LCP2: variants seen among roughly 807,000 people sequenced by gnomAD.
The protein encoded by LCP2 is 76 kDa tyrosine phosphoprotein.
Under a neutral mutation model 74.5 loss-of-function variants are expected in LCP2, and 29 were observed. The observed-to-expected ratio is 0.39, with a 90% CI of 0.29 to 0.53. The LOEUF is 0.53. LCP2 is among the 20% of genes least tolerant of loss of function. The probability of loss-of-function intolerance (pLI) is 0.72; values close to 1 mark genes in which losing one functional copy is unlikely to be tolerated. For missense variants in LCP2, 604 were observed against 634.6 expected (o/e 0.95, Z 0.52); for synonymous variants, 228 against 229.5 (o/e 0.99, Z 0.06).
At chr5:170,267,524 G>A (rs1761790298) in intron 8 of LCP2, among the ~76,000 whole-genome samples, 1 of 151,872 alleles carries the variant, frequency 6.6e-6, no homozygotes, top group African/African-American at 2.4e-5. Context: ...TGCCTAGAAC[G>A]TTCTTCTCCC....
At chr5:170,287,499 C>T (rs1275421922) in intron 3 of LCP2, among the ~76,000 whole-genome samples, 1 of 152,226 alleles carries the variant, frequency 6.6e-6, no homozygotes, top group Non-Finnish European at 1.5e-5. Flanking sequence ...CCTCGGGATT[C>T]TTCTCAACAT....
chr5:170,294,094 C>T (rs1269655832), intron 1 of LCP2, among the ~76,000 whole-genome samples: 1 of 152,198 alleles, frequency 6.6e-6, no homozygotes, highest in Non-Finnish European at 1.5e-5. Context: ...AAGTAACTTG[C>T]ATGAGGTTCC....
At chr5:170,272,117 G>A (rs538290862) in intron 6 of LCP2, among the ~76,000 whole-genome samples, 2 of 152,272 alleles carry the variant, frequency 1.3e-5, no homozygotes, top group East Asian at 1.9e-4. Flanking sequence ...CCGCAGGCAC[G>A]TGGCCTCCCT....
intron 15 of LCP2, 118 bp from the exon 16 acceptor site, chr5:170,258,284 C>T: frequency 9.4e-7 from 1 of 1,064,748 alleles, no homozygotes; most frequent in Admixed American, 2.2e-5. Context: ...AAAAATAAAG[C>T]AGATCAGATG....
At chr5:170,287,857 T>C in intron 3 of LCP2, 113 bp downstream of exon 3, 1 of 966,444 alleles carries the variant, frequency 1.0e-6, no homozygotes, top group Non-Finnish European at 1.7e-6. Context: ...CCTTCCTACT[T>C]GCTTTCTTAT....
chr5:170,288,091 C>G lies in LCP2; in HGVS notation c.142-75G>C, dbSNP rs114293493. On this transcript the variant is annotated intron_variant, in intron 2 of 20. Transcript: ENST00000046794. ...TCTGAGCAGGAGGGGAAGAGTGATA[C>G]GTGAAACAATATAGGGAGTGGTGGG... 3.4e-6 allele frequency: 5 copies of G among 1,455,030 alleles called. No individual in the cohort carries two copies. The Admixed American group carries it at 6.8e-5, about 20-fold the overall frequency. 90.1% of individuals were successfully genotyped at this position (1,455,030 alleles called of 1,614,324 possible).
chr5:170,255,358 A>T (rs1033823591), intron 17 of LCP2, among the ~76,000 whole-genome samples: 1 of 152,232 alleles, frequency 6.6e-6, no homozygotes, highest in Non-Finnish European at 1.5e-5. Context: ...TTCTCAGGCT[A>T]TCAACTCACA....
intron 8 of LCP2, among the ~76,000 whole-genome samples, chr5:170,267,871 A>G (rs1761797516): frequency 6.6e-6 from 1 of 152,230 alleles, no homozygotes; most frequent in African/African-American, 2.4e-5. Context: ...TAAACTTGTG[A>G]AGGGAACACA....
intron 7 of LCP2, among the ~76,000 whole-genome samples, chr5:170,269,801 C>A (rs554893744): frequency 2.0e-5 from 3 of 152,184 alleles, no homozygotes; most frequent in Non-Finnish European, 4.4e-5. Flanking sequence ...GACTGGCACA[C>A]ACAAGGCACT....
intron 10 of LCP2, 108 bp from the exon 11 acceptor site, chr5:170,263,100 T>C (rs1407958660): frequency 1.5e-6 from 2 of 1,320,770 alleles, no homozygotes; most frequent in East Asian, 2.5e-5. Context: ...TGGGGGTTGA[T>C]GGGGTTTAAG....
chr5:170,275,711 G>T (rs58883114), intron 4 of LCP2, 84 bp downstream of exon 4: 7 of 1,176,966 alleles, frequency 5.9e-6, no homozygotes, highest in Non-Finnish European at 8.7e-6. Flanking sequence ...TCAAAAAGTA[G>T]GGCAAAAACA....
rs201714682 is a variant in LCP2, at chr5:170,288,052, C to T, written c.142-36G>A. 3.1e-5 allele frequency: 50 copies of T among 1,604,938 alleles called. No individual in the cohort carries two copies. In the African/African-American group the frequency reaches 5.8e-4, roughly 18 times the overall value. ...GACACATATGGCAGGCAGGTTACAA[C>T]CCACAGAAAGGGCTCTGAGCAGGAG... On this transcript the variant is annotated intron_variant, in intron 2 of 20. Coordinates refer to ENST00000046794, the MANE Select transcript of LCP2 (RefSeq NM_005565.5).
chr5:170,266,678 G>A, intron 10 of LCP2, 130 bp downstream of exon 10: 1 of 794,304 alleles, frequency 1.3e-6, no homozygotes, highest in African/African-American at 1.7e-5. Context: ...AAATGAGGAT[G>A]ATTCTACTAG....
chr5:170,272,750 C>T (rs1443529697), intron 6 of LCP2, among the ~76,000 whole-genome samples: 3 of 151,206 alleles, frequency 2.0e-5, no homozygotes, highest in Non-Finnish European at 4.4e-5. Context: ...GTAGCTGGGA[C>T]TACAGGCACG....
At chr5:170,292,209 C>T (rs915337099) in intron 2 of LCP2, among the ~76,000 whole-genome samples, 10 of 152,094 alleles carry the variant, frequency 6.6e-5, no homozygotes, top group African/African-American at 1.7e-4. Context: ...GTCAAGTGAA[C>T]GAATAGGCGA....
intron 20 of LCP2, among the ~76,000 whole-genome samples, chr5:170,249,390 CTATA>C (rs200081642): frequency 7.1e-6 from 1 of 141,278 alleles, no homozygotes; most frequent in Non-Finnish European, 1.5e-5. Flanking sequence ...ATCTACATAT[CTATA>C]TATATATATA....
chr5:170,253,239 T>C, intron 17 of LCP2, 26 bp from the exon 18 acceptor site: 1 of 1,466,820 alleles, frequency 6.8e-7, no homozygotes, highest in African/African-American at 1.4e-5. Context: ...ATTCTGACAG[T>C]TAATTTACTG....
intron 1 of LCP2, among the ~76,000 whole-genome samples, chr5:170,295,451 A>G (rs926038085): frequency 6.6e-6 from 1 of 152,200 alleles, no homozygotes; most frequent in Non-Finnish European, 1.5e-5. Context: ...GTTACTGTTC[A>G]TATCTCTATT....
intron 19 of LCP2, chr5:170,252,142 C>G (rs888185854): frequency 4.2e-6 from 1 of 237,534 alleles, no homozygotes; most frequent in Non-Finnish European, 8.4e-6. Context: ...CCTTCTGACA[C>G]CATGTGATTC....
Sources: gnomAD v4.1 joint callset for allele counts (sites outside exome capture counted in the v4.1 genomes callset) on GRCh38, gnomAD v4.1.1 for gene constraint, MANE v1.5 for transcripts, NCBI Gene and HGNC (gene_info 2026-07-23, HGNC 2026-07-21) for gene names.